MED12L: variants seen among roughly 807,000 people sequenced by gnomAD.
The protein encoded by MED12L is mediator of RNA polymerase II transcription subunit 12-like protein.
A neutral mutation model predicts 281.3 loss-of-function variants in MED12L; 60 were observed. The observed-to-expected ratio is 0.21, with a 90% CI of 0.17 to 0.26. The LOEUF is 0.26. Ranked by LOEUF, MED12L falls within the 10% of genes least tolerant of loss-of-function variation. MED12L has a pLI of 1.00. For missense variants in MED12L, 2,146 were observed against 2,680.9 expected (o/e 0.80, Z 4.41); for synonymous variants, 974 against 987.2 (o/e 0.99, Z 0.25).
intron 41 of MED12L, among the ~76,000 whole-genome samples, chr3:151,412,213 G>A (rs1012156403): frequency 6.6e-6 from 1 of 152,172 alleles, no homozygotes; most frequent in African/African-American, 2.4e-5. Flanking sequence ...TGTGTGACGT[G>A]CACTGTGTTT....
At chr3:151,431,529 T>C (rs1719506374) in intron 44 of MED12L, among the ~76,000 whole-genome samples, 1 of 152,234 alleles carries the variant, frequency 6.6e-6, no homozygotes, top group African/African-American at 2.4e-5. Context: ...AAGTAAATCT[T>C]CATTTCTAGC....
chr3:151,136,857 T>C (rs1329325867), intron 5 of MED12L, among the ~76,000 whole-genome samples: 2 of 152,146 alleles, frequency 1.3e-5, no homozygotes, highest in Non-Finnish European at 2.9e-5. Context: ...TGTTTCTCTA[T>C]TTTTTTATTT....
intron 16 of MED12L, among the ~76,000 whole-genome samples, chr3:151,223,186 A>C (rs1035601901): frequency 6.6e-6 from 1 of 151,056 alleles, no homozygotes; most frequent in African/African-American, 2.4e-5. Flanking sequence ...AAAAAAAAAA[A>C]AAAACTAGAT....
intron 16 of MED12L, among the ~76,000 whole-genome samples, chr3:151,317,436 CTTTTTTTTTTT>C (rs1164820615): frequency 3.4e-4 from 20 of 58,740 alleles, no homozygotes; most frequent in South Asian, 3.3e-3. Context: ...AATCATATCA[CTTTTTTTTTTT>C]TTTTTTTTTT....
Position 151,086,790 on chromosome 3 carries a change from G to T in MED12L, c.-129-8G>T, listed in dbSNP as rs1434199832. On this transcript the variant is annotated splice_polypyrimidine_tract_variant and splice_region_variant and intron_variant, in intron 1 of 44. Transcript: ENST00000687756. ...GCATCCAACCTGCTTTATTCCTCCT[G>T]CCTGCAGCGCCACAGCGAGCGAGCG... 17 of 657,394 alleles carry T rather than the reference G, an allele frequency of 2.6e-5. No homozygotes were observed. The highest frequency in any genetic ancestry group is 4.2e-5 in the Non-Finnish European group (16 of 384,808). 40.7% of individuals were successfully genotyped at this position (657,394 alleles called of 1,614,324 possible).
intron 16 of MED12L, among the ~76,000 whole-genome samples, chr3:151,293,668 CACACACACA>C (rs557630418): frequency 0.017 from 2,421 of 146,566 alleles, 82 homozygotes; most frequent in African/African-American, 0.059. Context: ...CACACACACA[CACACACACA>C]CCCTCTACCT....
At chr3:151,245,929 A>T (rs1270441325) in intron 16 of MED12L, among the ~76,000 whole-genome samples, 1 of 151,560 alleles carries the variant, frequency 6.6e-6, no homozygotes, top group Non-Finnish European at 1.5e-5. Flanking sequence ...AAGTCTCAGG[A>T]TACAAAATCA....
In MED12L at chr3:151,409,289, C is replaced by T. The variant is rs1347301765; in HGVS notation, c.5867C>T (p.Pro1956Leu). ...QAALFAAQARPSPQLPQYPGL... is the reference protein window; with the variant it reads ...QAALFAAQARLSPQLPQYPGL... Reference sequence around the variant, plus strand: ...GCTCTCTTTGCTGCGCAAGCACGGCCCTCCCCTCAGCTCCCTCAGTATCCA... The same window carrying T: ...GCTCTCTTTGCTGCGCAAGCACGGCTCTCCCCTCAGCTCCCTCAGTATCCA... Residue 1956 changes from proline to leucine, a missense_variant, in exon 40 of 45, where the codon CCC (proline) becomes CTC (leucine). By Grantham distance (98) the Pro-to-Leu change is moderately conservative (BLOSUM62 -3). Around this residue, in one of 9 missense-constraint regions of MED12L, gnomAD observed 496 missense variants for 512.0 expected, o/e 0.97. Transcript: ENST00000687756. 5.6e-6 allele frequency: 9 copies of T among 1,613,468 alleles called. No individual in the cohort carries two copies. Among genetic ancestry groups the T allele is most frequent in the Non-Finnish European group, 6.8e-6 (8 of 1,179,908 alleles).
chr3:151,243,651 G>A (rs1327465855), intron 16 of MED12L, among the ~76,000 whole-genome samples: 2 of 151,508 alleles, frequency 1.3e-5, no homozygotes, highest in South Asian at 2.1e-4. Context: ...GGTACCAGCC[G>A]CTGCAAAATC....
At chr3:151,218,739 C>T (rs1485274873) in intron 16 of MED12L, among the ~76,000 whole-genome samples, 2 of 151,468 alleles carry the variant, frequency 1.3e-5, no homozygotes, top group African/African-American at 4.9e-5. Context: ...TGGTGGCATA[C>T]ACCTGTAATC....
intron 16 of MED12L, among the ~76,000 whole-genome samples, chr3:151,195,092 G>T (rs1215339179): frequency 1.3e-5 from 2 of 151,232 alleles, no homozygotes; most frequent in Non-Finnish European, 3.0e-5. Flanking sequence ...GAACCCCAGA[G>T]GTGGACCTTG....
intron 40 of MED12L, 83 bp from the exon 41 acceptor site, chr3:151,411,195 T>C: frequency 8.5e-7 from 1 of 1,181,958 alleles, no homozygotes; most frequent in South Asian, 1.3e-5. Context: ...CTCATGGGTT[T>C]GTTTTTGCCC....
chr3:151,435,062 C>CTTTTTTTTTTTTTTT lies in MED12L; in HGVS notation c.*2264_*2278dup, dbSNP rs66791814. On this transcript the variant is annotated 3_prime_UTR_variant, in exon 45 of 45. Transcript: ENST00000687756. ...GTTAATTCTGTATCTTGAGAGGTTT[C>CTTTTTTTTTTTTTTT]TTTTTTTTTTTTTTTTTTTTCTTTT... The CTTTTTTTTTTTTTTT allele has an allele frequency of 6.7e-5, 8 of 119,082 alleles. No homozygotes were observed. Among genetic ancestry groups the CTTTTTTTTTTTTTTT allele is most frequent in the Non-Finnish European group, 1.0e-4 (6 of 57,276 alleles). 7.4% of individuals were successfully genotyped at this position (119,082 alleles called of 1,614,324 possible).
At position 151,436,602 on chromosome 3, in the gene MED12L, T is replaced by G. The variant is rs930026119; in HGVS notation, c.*3798T>G. The G allele has an allele frequency of 2.5e-5, 22 of 896,954 alleles. No individual in the cohort carries two copies. Among genetic ancestry groups the G allele is most frequent in the Middle Eastern group, 3.5e-4 (1 of 2,872 alleles). The allele number at this position is 896,954 out of a possible 1,614,324, so 55.6% of individuals were successfully genotyped here. A position where few individuals can be genotyped will look rare whatever the true frequency, so the allele number is the denominator to read the frequency against. ...ATTTAATACTGTAAATGTATTCAAATTCATTTACATGCCTATGGCTGCCTT... is the reference window on the plus strand; with the variant it reads ...ATTTAATACTGTAAATGTATTCAAAGTCATTTACATGCCTATGGCTGCCTT... On this transcript the variant is annotated 3_prime_UTR_variant, in exon 45 of 45. Transcript: ENST00000687756.
chr3:151,269,803 G>A, intron 16 of MED12L: 2 of 421,026 alleles, frequency 4.8e-6, no homozygotes, highest in Non-Finnish European at 4.6e-6. Context: ...ATGCAAATCT[G>A]GAAAGGATAT....
chr3:151,125,194 C>T lies in MED12L; in HGVS notation c.396+2220C>T, dbSNP rs113428913. On this transcript the variant is annotated intron_variant, in intron 4 of 44. Transcript: ENST00000687756. Reference sequence around the variant, plus strand: ...AAGTCAATACTTTAGTCAATATAAACGTATTTTTCTTTTTGAGTGGGCCCA... The same window carrying T: ...AAGTCAATACTTTAGTCAATATAAATGTATTTTTCTTTTTGAGTGGGCCCA... Among the ~76,000 whole-genome samples the T allele has an allele frequency of 6.0e-3, 909 of 152,236 alleles. 5 individuals carry two copies. The highest frequency in any genetic ancestry group is 1.0e-2 in the Non-Finnish European group (677 of 68,022).
chr3:151,393,154 G>T (rs145246402), intron 38 of MED12L, among the ~76,000 whole-genome samples: 2 of 152,124 alleles, frequency 1.3e-5, no homozygotes, highest in Non-Finnish European at 2.9e-5. Context: ...TTGAGGACAT[G>T]CCTGGGAGAA....
chr3:151,148,890 C>T (rs949378390), intron 5 of MED12L, among the ~76,000 whole-genome samples: 5 of 152,110 alleles, frequency 3.3e-5, no homozygotes, highest in South Asian at 4.2e-4. Flanking sequence ...AATATTTGCC[C>T]GGCCCATTTA....
Position 151,204,192 on chromosome 3 carries a change from G to A in MED12L, c.2250+10526G>A, listed in dbSNP as rs928866775. Among the ~76,000 whole-genome samples, 43 of 152,258 alleles carry A rather than the reference G, an allele frequency of 2.8e-4. 1 individual carries two copies. The highest frequency in any genetic ancestry group is 1.0e-3 in the African/African-American group (42 of 41,542). ...TTCTAATGCTTCATTGGCTTGGTAG[G>A]TGCTTTGGTTTCTTTTAATAATACT... On this transcript the variant is annotated intron_variant, in intron 16 of 44. Coordinates refer to ENST00000687756, the MANE Select transcript of MED12L (RefSeq NM_001393769.1).
Sources: gnomAD v4.1 joint callset for allele counts (sites outside exome capture counted in the v4.1 genomes callset) on GRCh38, gnomAD v4.1.1 for gene constraint, gnomAD v4.1.1 regional missense constraint, MANE v1.5 for transcripts, NCBI Gene and HGNC (gene_info 2026-07-23, HGNC 2026-07-21) for gene names.